The following MUC17 variants were observed in gnomAD, a reference collection of about 807,000 sequenced individuals.
The protein encoded by MUC17 is mucin-17.
In MUC17, 190 loss-of-function variants were observed where a neutral mutation model predicts 170.3. The observed-to-expected ratio is 1.12, with a 90% CI of 0.99 to 1.26. MUC17 has a LOEUF of 1.26. Among genes scored for constraint, MUC17 ranks in the 50% most tolerant of loss-of-function variants. The pLI is 0.00. For synonymous variants in MUC17, 2,325 were observed against 2,002.5 expected (o/e 1.16, Z -4.30); for missense variants, 6,415 against 5,530.0 (o/e 1.16, Z -5.08).
At position 101,042,607 on chromosome 7, in the gene MUC17, GC is replaced by G. The variant is rs751883893; in HGVS notation, c.11193del (p.Ile3732PhefsTer20). The G allele has an allele frequency of 8.1e-6, 13 of 1,614,102 alleles. No homozygotes were observed. In the South Asian group the frequency reaches 1.4e-4, roughly 18 times the overall value. ...CACACCTGTGACCACTTCTACTGAAGCCATTTCATCTTCTGCAACTCTTGAC... is the reference window on the plus strand; with the variant it reads ...CACACCTGTGACCACTTCTACTGAAGCATTTCATCTTCTGCAACTCTTGAC... ...TSTPVTTSTE[A>X]ISSSATLDST... On this transcript the variant is annotated frameshift_variant, in exon 3 of 13. Coordinates refer to ENST00000306151, the MANE Select transcript of MUC17 (RefSeq NM_001040105.2). LOFTEE classifies it high-confidence loss of function.
At position 101,039,242 on chromosome 7, in the gene MUC17, C is replaced by G. The variant is rs1429829870; in HGVS notation, c.7826C>G (p.Thr2609Ser). 1.2e-6 allele frequency: 2 copies of G among 1,613,864 alleles called. No individual in the cohort carries two copies. The highest frequency in any genetic ancestry group is 1.7e-6 in the Non-Finnish European group (2 of 1,179,906). ...VDTSIPVTTS[T>S]ETSSSPTTAK... Reference sequence around the variant, plus strand: ...ACCAGCATACCTGTCACCACTTCTACTGAAACCAGTTCATCTCCTACAACT... The same window carrying G: ...ACCAGCATACCTGTCACCACTTCTAGTGAAACCAGTTCATCTCCTACAACT... Residue 2609 changes from threonine (T) to serine (S), a missense_variant, in exon 3 of 13, where the codon ACT becomes AGT. Coordinates refer to ENST00000306151, the MANE Select transcript of MUC17 (RefSeq NM_001040105.2).
In MUC17 at chr7:101,053,011, TACAGTGGGGAG is replaced by T; in HGVS notation, c.13132_13142del (p.Ser4378LeufsTer2). On this transcript the variant is annotated frameshift_variant, in exon 10 of 13. Coordinates refer to ENST00000306151, the MANE Select transcript of MUC17 (RefSeq NM_001040105.2). LOFTEE classifies it high-confidence loss of function. ...CTGCGTGACCACGGAAACTCACTGG[TACAGTGGGGAG>T]ACCTGTAACCAGGGCACCCAGAAGA... is the stretch of plus-strand genomic sequence containing the variant. The T allele has an allele frequency of 6.2e-7, 1 of 1,614,030 alleles. No homozygotes were observed. Among genetic ancestry groups the T allele is most frequent in the Non-Finnish European group, 8.5e-7 (1 of 1,179,968 alleles).
rs372743652 is a variant in MUC17 at position 101,031,758 on chromosome 7, A to G, written c.342A>G (p.Glu114=). 1.9e-6 allele frequency: 3 copies of G among 1,607,616 alleles called. No homozygotes were observed. Among genetic ancestry groups the G allele is most frequent in the Non-Finnish European group, 2.6e-6 (3 of 1,174,028 alleles). The part of the protein sequence containing the change: ...GVSSTRMTPT[E]SRTTSESTSD... ...CCAGTACCAGGATGACACCAACAGAATCCAGAACAACTTCAGAATCTACCA... is the reference window on the plus strand; with the variant it reads ...CCAGTACCAGGATGACACCAACAGAGTCCAGAACAACTTCAGAATCTACCA... The change falls in exon 3 of 13, where the codon GAA becomes GAG. Residue 114 remains glutamate (E), a synonymous_variant. Coordinates refer to ENST00000306151, the MANE Select transcript of MUC17 (RefSeq NM_001040105.2).
intron 1 of MUC17, among the ~76,000 whole-genome samples, chr7:101,028,669 A>T (rs1328442111): frequency 1.3e-5 from 2 of 151,154 alleles, no homozygotes; most frequent in African/African-American, 4.9e-5. Context: ...CTTGAGGCCC[A>T]GAGTTCAAGA....
At position 101,041,292 on chromosome 7, in the gene MUC17, G is replaced by C; in HGVS notation, c.9876G>C (p.Thr3292=). 6.4e-7 allele frequency: 1 copy of C among 1,568,718 alleles called. No individual in the cohort carries two copies. The highest frequency in any genetic ancestry group is 2.3e-5 in the East Asian group (1 of 42,782). The change falls in exon 3 of 13, where the codon ACG becomes ACC. Residue 3292 remains threonine, a synonymous_variant. Transcript: ENST00000306151. ...PLTSMPVSTT[T]VASSETSTLS... is the part of the protein sequence containing the mutation. ...CAAGTATGCCTGTCAGCACCACAAC[G>C]GTGGCCAGTTCTGAAACGAGCACCC...
intron 7 of MUC17, 129 bp from the exon 8 acceptor site, chr7:101,051,484 T>A: frequency 2.7e-6 from 2 of 741,810 alleles, no homozygotes; most frequent in Non-Finnish European, 4.3e-6. Context: ...ATGCTGCCCC[T>A]CTGCCGGGGC....
At position 101,041,850 on chromosome 7, in the gene MUC17, T is replaced by C; in HGVS notation, c.10434T>C (p.Leu3478=). ...TGGCCAGTTCTGAGGCTAGCACCCT[T>C]TCAACAACTCCTGTTGACACCAGCA... The part of the protein sequence containing the change: ...TPVASSEAST[L]STTPVDTSTP... Residue 3478 remains leucine, a synonymous_variant, in exon 3 of 13, where the codon CTT becomes CTC. Transcript: ENST00000306151. 1 of 1,614,022 alleles carries C rather than the reference T, an allele frequency of 6.2e-7. No homozygotes were observed. Among genetic ancestry groups the C allele is most frequent in the Non-Finnish European group, 8.5e-7 (1 of 1,179,974 alleles).
chr7:101,036,789 A>G lies in MUC17; in HGVS notation c.5373A>G (p.Thr1791=). 6.2e-7 allele frequency: 1 copy of G among 1,606,306 alleles called. No homozygotes were observed. ...TTSTEATSSP[T]TAEGTSIPTS... ...CTACTGAAGCCACTTCGTCTCCTAC[A>G]ACTGCTGAAGGTACCAGCATACCAA... Residue 1791 remains threonine, a synonymous_variant, in exon 3 of 13, where the codon ACA becomes ACG. Coordinates refer to ENST00000306151, the MANE Select transcript of MUC17 (RefSeq NM_001040105.2).
chr7:101,054,228 C>G (rs1489362397), intron 11 of MUC17, among the ~76,000 whole-genome samples: 3 of 152,206 alleles, frequency 2.0e-5, no homozygotes, highest in South Asian at 2.1e-4. Context: ...CTGGATGGGG[C>G]ATAGTGAACT....
At position 101,049,369 on chromosome 7, in the gene MUC17, AT is replaced by A; in HGVS notation, c.12710del (p.Ile4237ThrfsTer17). ...SGIPEYVGVN[I>X]TKLRLGSVVV... ...GATCCCTGAGTATGTCGGGGTGAAC[AT>A]CACAAAGCTACGGTAAGTGTCTGGG... On this transcript the variant is annotated frameshift_variant, in exon 6 of 13. Coordinates refer to ENST00000306151, the MANE Select transcript of MUC17 (RefSeq NM_001040105.2). LOFTEE classifies it high-confidence loss of function. The A allele has an allele frequency of 6.2e-7, 1 of 1,613,210 alleles. No homozygotes were observed. The highest frequency in any genetic ancestry group is 8.5e-7 in the Non-Finnish European group (1 of 1,179,570).
chr7:101,027,295 T>G (rs1451935684), intron 1 of MUC17, among the ~76,000 whole-genome samples: 2 of 152,164 alleles, frequency 1.3e-5, no homozygotes, highest in Admixed American at 1.3e-4. Context: ...GCCCTAATTT[T>G]TATATTTTAT....
rs558829231 is a variant in MUC17 at position 101,034,012 on chromosome 7, C to A, written c.2596C>A (p.Pro866Thr). Residue 866 changes from proline (P) to threonine (T), a missense_variant, in exon 3 of 13, where the codon CCT becomes ACT. By Grantham distance (38) the Pro-to-Thr change is conservative (BLOSUM62 -1). Transcript: ENST00000306151. The part of the protein sequence containing the change: ...PTSTYSEGRT[P>T]LTSMPVSTTL... Reference sequence around the variant, plus strand: ...CTCAACTTATAGTGAAGGAAGAACTCCTTTAACAAGTATGCCTGTCAGCAC... The same window carrying A: ...CTCAACTTATAGTGAAGGAAGAACTACTTTAACAAGTATGCCTGTCAGCAC... 1.5e-5 allele frequency: 24 copies of A among 1,602,970 alleles called. No homozygotes were observed. In the East Asian group the frequency reaches 5.2e-4, roughly 35 times the overall value.
rs778581388 is a variant in MUC17, at chr7:101,052,968, G to T, written c.13104-18G>T. ...CTCCGTTCTCTCTCCCCAACCTGCC[G>T]CTTCTCTCCCATCTCAGCTGCGTGA... On this transcript the variant is annotated intron_variant, in intron 9 of 12. Transcript: ENST00000306151. 1.2e-6 allele frequency: 2 copies of T among 1,606,336 alleles called. No individual in the cohort carries two copies. Among genetic ancestry groups the T allele is most frequent in the African/African-American group, 2.7e-5 (2 of 74,736 alleles).
intron 1 of MUC17, among the ~76,000 whole-genome samples, chr7:101,026,233 C>A (rs1794176596): frequency 6.6e-6 from 1 of 152,226 alleles, no homozygotes; most frequent in African/African-American, 2.4e-5. Context: ...CCTCCTATAT[C>A]TGCCTGGATT....
rs761973973 is a variant in MUC17 at position 101,031,607 on chromosome 7, C to T, written c.191C>T (p.Ala64Val). The T allele has an allele frequency of 2.3e-5, 35 of 1,528,010 alleles. No homozygotes were observed. Among genetic ancestry groups the T allele is most frequent in the Admixed American group, 1.1e-4 (5 of 46,210 alleles). The allele number at this position is 1,528,010 out of a possible 1,614,324, so 94.7% of individuals were successfully genotyped here. Residue 64 changes from alanine (A) to valine (V), a missense_variant, in exon 3 of 13, where the codon GCG (alanine) becomes GTG (valine). Physicochemically the swap from Ala to Val is moderately conservative, Grantham distance 64. Transcript: ENST00000306151. Reference sequence around the variant, plus strand: ...ATCATTGTATCTTAAACAGGTTCTGCGGCAAACACCGCCACAGGTACAACA... The same window carrying T: ...ATCATTGTATCTTAAACAGGTTCTGTGGCAAACACCGCCACAGGTACAACA... ...QLSQHVRTGS[A>V]ANTATGTTST...
At chr7:101,022,847 C>T (rs1794117942) in intron 1 of MUC17, among the ~76,000 whole-genome samples, 1 of 152,036 alleles carries the variant, frequency 6.6e-6, no homozygotes, top group East Asian at 1.9e-4. Context: ...CCACCTCCTC[C>T]AGGGAGCCTT....
At position 101,039,605 on chromosome 7, in the gene MUC17, G is replaced by C. The variant is rs765044528; in HGVS notation, c.8189G>C (p.Ser2730Thr). 6.2e-7 allele frequency: 1 copy of C among 1,612,750 alleles called. No individual in the cohort carries two copies. Among genetic ancestry groups the C allele is most frequent in the African/African-American group, 1.3e-5 (1 of 74,708 alleles). Reference protein sequence around the residue: ...STPVTTSAEASSSPTTAEGTS... With the variant: ...STPVTTSAEATSSPTTAEGTS... ...CCTGTCACCACTTCTGCTGAAGCCA[G>C]TTCTTCTCCTACAACTGCTGAAGGT... Residue 2730 changes from serine (S) to threonine (T), a missense_variant, in exon 3 of 13, where the codon AGT (serine) becomes ACT (threonine). Coordinates refer to ENST00000306151, the MANE Select transcript of MUC17 (RefSeq NM_001040105.2).
rs528052503 is a variant in MUC17, at chr7:101,037,283, C to A, written c.5867C>A (p.Pro1956His). ...ACAACTCTTGCTGACACCAGGACAC[C>A]TGTGACCACTTATTCTCAAGCCAGT... ...LSTTLADTRT[P>H]VTTYSQASSS... Residue 1956 changes from proline to histidine, a missense_variant, in exon 3 of 13, where the codon CCT (proline) becomes CAT (histidine). Pro to His is a moderately conservative substitution (Grantham distance 77). Coordinates refer to ENST00000306151, the MANE Select transcript of MUC17 (RefSeq NM_001040105.2). 7.4e-6 allele frequency: 12 copies of A among 1,613,120 alleles called. No homozygotes were observed. The East Asian group carries it at 2.5e-4, about 33-fold the overall frequency.
rs1794697092 is a variant in MUC17 at position 101,041,380 on chromosome 7, C to T, written c.9964C>T (p.Pro3322Ser). ...CACTTATTCTCAAGCCAGTTCATCT[C>T]CTCCAATTGCTGACGGTACTAGCAT... The part of the protein sequence containing the change: ...VTTYSQASSS[P>S]PIADGTSMPT... Residue 3322 changes from proline to serine, a missense_variant, in exon 3 of 13, where the codon CCT becomes TCT. Pro to Ser is a moderately conservative substitution (Grantham distance 74). Coordinates refer to ENST00000306151, the MANE Select transcript of MUC17 (RefSeq NM_001040105.2). The T allele has an allele frequency of 2.5e-6, 4 of 1,613,448 alleles. No individual in the cohort carries two copies. Among genetic ancestry groups the T allele is most frequent in the South Asian group, 2.2e-5 (2 of 91,032 alleles).
Sources: allele counts gnomAD v4.1 joint callset (sites outside exome capture counted in the v4.1 genomes callset), GRCh38; gene constraint gnomAD v4.1.1; transcripts MANE v1.5; gene names NCBI Gene and HGNC (gene_info 2026-07-23, HGNC 2026-07-21).